The following CNP variants were observed in gnomAD, a reference collection of about 807,000 sequenced individuals.
The protein encoded by CNP is 2',3'-cyclic-nucleotide 3'-phosphodiesterase.
In CNP, 8 loss-of-function variants were observed where a neutral mutation model predicts 37.9. That is an observed-to-expected ratio of 0.21 (90% CI 0.12 to 0.38). The LOEUF is 0.38. Among genes scored for constraint, CNP ranks in the 10% least tolerant of loss-of-function variants. The pLI, the probability that CNP is intolerant of heterozygous loss-of-function variation, is 1.00. For missense variants in CNP, 457 were observed against 551.0 expected, an observed-to-expected ratio of 0.83 and a Z score of 1.71; for synonymous variants, 237 against 238.3, an observed-to-expected ratio of 0.99 and a Z score of 0.05.
chr17:41,968,680 G>T lies in CNP; in HGVS notation c.616G>T (p.Gly206Cys). ...KKSSETLRKAGQVFLEELGNH... is the reference protein window; with the variant it reads ...KKSSETLRKACQVFLEELGNH... ...GAGCTCTGAGACCCTCCGCAAAGCC[G>T]GCCAGGTCTTCCTGGAAGAGCTGGG... The change falls in exon 2 of 4, where the codon GGC (glycine) becomes TGC (cysteine). Residue 206 changes from glycine (G) to cysteine (C), a missense_variant. Coordinates refer to ENST00000393892, the MANE Select transcript of CNP (RefSeq NM_033133.5). This position sits in a 1 kb window ranked among gnomAD's most constrained non-coding sequence, Gnocchi z 4.8. 2 of 1,614,012 alleles carry T rather than the reference G, an allele frequency of 1.2e-6. No homozygotes were observed. Among genetic ancestry groups the T allele is most frequent in the Non-Finnish European group, 1.7e-6 (2 of 1,179,970 alleles).
chr17:41,966,917 G>A, intron 1 of CNP, 30 bp downstream of exon 1: 5 of 1,319,710 alleles, frequency 3.8e-6, no homozygotes, highest in Admixed American at 4.1e-5. Context: ...CGGGCACGGG[G>A]TAGCACCAGG....
chr17:41,972,388 C>G (rs1401827432), intron 3 of CNP, among the ~76,000 whole-genome samples: 1 of 151,982 alleles, frequency 6.6e-6, no homozygotes, highest in Non-Finnish European at 1.5e-5. Context: ...CCCCAGGGAG[C>G]CTGGTGCACT....
intron 3 of CNP, among the ~76,000 whole-genome samples, chr17:41,973,008 C>A (rs1216537976): frequency 6.6e-6 from 1 of 152,210 alleles, no homozygotes; most frequent in Admixed American, 6.5e-5. Flanking sequence ...TCCTCCAGGG[C>A]GCTGTCTGGG....
At position 41,966,899 on chromosome 17, in the gene CNP, G is replaced by A; in HGVS notation, c.3+12G>A. On this transcript the variant is annotated intron_variant, in intron 1 of 3. Transcript: ENST00000393892. Reference sequence around the variant, plus strand: ...CCCTCCTCATCATGGTGAGAGGCCGGGCGGGGCCGGGCACGGGGTAGCACC... The same window carrying A: ...CCCTCCTCATCATGGTGAGAGGCCGAGCGGGGCCGGGCACGGGGTAGCACC... 7.4e-7 allele frequency: 1 copy of A among 1,342,348 alleles called. No individual in the cohort carries two copies. Among genetic ancestry groups the A allele is most frequent in the Non-Finnish European group, 9.5e-7 (1 of 1,048,196 alleles). 83.2% of individuals were successfully genotyped at this position (1,342,348 alleles called of 1,614,324 possible).
At position 41,968,051 on chromosome 17, in the gene CNP, T is replaced by C. The variant is rs781865727; in HGVS notation, c.4-17T>C. 3 of 1,599,232 alleles carry C rather than the reference T, an allele frequency of 1.9e-6. No homozygotes were observed. The South Asian group carries it at 3.4e-5, about 18-fold the overall frequency. ...CGCGAATGACCTGGGCTGACATCTC[T>C]TCCCCTCCTTACACAGAACAGAGGC... On this transcript the variant is annotated splice_polypyrimidine_tract_variant and intron_variant, in intron 1 of 3. Coordinates refer to ENST00000393892, the MANE Select transcript of CNP (RefSeq NM_033133.5). The surrounding 1 kb of genome is among the most constrained non-coding windows in gnomAD (Gnocchi z 4.8).
At position 41,968,858 on chromosome 17, in the gene CNP, T is replaced by A; in HGVS notation, c.676+118T>A. ...GAAGCAGCAGGAGGCAGAGAGAGGC[T>A]CACCTCAGCGGGGGCAGGGGCAAGC... On this transcript the variant is annotated intron_variant, in intron 2 of 3. Coordinates refer to ENST00000393892, the MANE Select transcript of CNP (RefSeq NM_033133.5). This position sits in a 1 kb window ranked among gnomAD's most constrained non-coding sequence, Gnocchi z 4.8. The A allele has an allele frequency of 8.0e-7, 1 of 1,247,984 alleles. No homozygotes were observed. The highest frequency in any genetic ancestry group is 1.1e-6 in the Non-Finnish European group (1 of 922,032). The allele number at this position is 1,247,984 out of a possible 1,614,324, so 77.3% of individuals were successfully genotyped here.
Position 41,975,948 on chromosome 17 carries a change from A to C in CNP, c.*2024A>C, listed in dbSNP as rs1555644675. The stretch of plus-strand genomic sequence containing the variant: ...AAGGCCAGGGGCTTTTGCTAAAAAT[A>C]GTGGCCAGACCAGAGCTCTGGAGCC... On this transcript the variant is annotated 3_prime_UTR_variant, in exon 4 of 4. Transcript: ENST00000393892. 6.6e-6 allele frequency: 1 copy of C among 152,298 alleles called. No individual in the cohort carries two copies. Among genetic ancestry groups the C allele is most frequent in the Non-Finnish European group, 1.5e-5 (1 of 68,116 alleles). The allele number at this position is 152,298 out of a possible 1,614,324, so 9.4% of individuals were successfully genotyped here. A position where few individuals can be genotyped will look rare whatever the true frequency, so the allele number is the denominator to read the frequency against.
chr17:41,968,949 G>A lies in CNP; in HGVS notation c.676+209G>A, dbSNP rs1171574022. Among the ~76,000 whole-genome samples, 7 of 152,138 alleles carry A rather than the reference G, an allele frequency of 4.6e-5. No homozygotes were observed. The highest frequency in any genetic ancestry group is 1.3e-4 in the Admixed American group (2 of 15,276). On this transcript the variant is annotated intron_variant, in intron 2 of 3. Transcript: ENST00000393892. This position sits in a 1 kb window ranked among gnomAD's most constrained non-coding sequence, Gnocchi z 4.8. The stretch of plus-strand genomic sequence containing the variant: ...TGGGAACACGGGGGCTTCCCAGAGC[G>A]CCTTTCCTCCCACCACACCTATCCT...
chr17:41,977,050 A>G lies in CNP; in HGVS notation c.*3126A>G. On this transcript the variant is annotated 3_prime_UTR_variant, in exon 4 of 4. Coordinates refer to ENST00000393892, the MANE Select transcript of CNP (RefSeq NM_033133.5). The stretch of plus-strand genomic sequence containing the variant: ...TAGAGATGCCTCCCTGACCCTGCAG[A>G]GATGCGGTGGCTAAAGGTCCCAAGG... The G allele has an allele frequency of 6.2e-6, 4 of 649,946 alleles. No individual in the cohort carries two copies. Among genetic ancestry groups the G allele is most frequent in the Non-Finnish European group, 1.1e-5 (4 of 378,718 alleles). The allele number at this position is 649,946 out of a possible 1,614,324, so 40.3% of individuals were successfully genotyped here.
Position 41,968,577 on chromosome 17 carries a change from T to C in CNP, c.513T>C (p.Ala171=), listed in dbSNP as rs782318004. ...AGAAGAACCAGTGGCAGCTGTCGGC[T>C]GATGACCTGAAGAAGCTGAAGCCTG... is the stretch of plus-strand genomic sequence containing the variant. The part of the protein sequence containing the change: ...LKEKNQWQLS[A]DDLKKLKPGL... Residue 171 remains alanine (A), a synonymous_variant, in exon 2 of 4, where the codon GCT becomes GCC. Coordinates refer to ENST00000393892, the MANE Select transcript of CNP (RefSeq NM_033133.5). The surrounding 1 kb of genome is among the most constrained non-coding windows in gnomAD (Gnocchi z 4.8). 2 of 1,614,042 alleles carry C rather than the reference T, an allele frequency of 1.2e-6. No homozygotes were observed. Among genetic ancestry groups the C allele is most frequent in the Non-Finnish European group, 1.7e-6 (2 of 1,180,004 alleles).
chr17:41,967,733 C>T (rs1381471378), intron 1 of CNP: 1 of 1,086,572 alleles, frequency 9.2e-7, no homozygotes, highest in African/African-American at 1.6e-5. Context: ...GAGACCCCCA[C>T]CTCCAAAGAG....
At position 41,973,868 on chromosome 17, in the gene CNP, G is replaced by A; in HGVS notation, c.1210G>A (p.Val404Met). Residue 404 changes from valine (V) to methionine (M), a missense_variant, in exon 4 of 4, where the codon GTG becomes ATG. This residue lies in a region of CNP where 291 missense variants were observed against 291.7 expected (regional missense o/e 1.00). Transcript: ENST00000393892. ...FTGYYGKGKP[V>M]PTQGSRKGGA... ...GGGGTACTACGGGAAAGGCAAACCTGTGCCCACGCAAGGTAGCCGGAAGGG... is the reference window on the plus strand; with the variant it reads ...GGGGTACTACGGGAAAGGCAAACCTATGCCCACGCAAGGTAGCCGGAAGGG... The A allele has an allele frequency of 6.3e-7, 1 of 1,585,510 alleles. No homozygotes were observed. The highest frequency in any genetic ancestry group is 1.7e-5 in the Admixed American group (1 of 57,536).
intron 3 of CNP, 35 bp downstream of exon 3, chr17:41,972,066 G>A (rs1555643913): frequency 1.9e-6 from 3 of 1,607,806 alleles, no homozygotes; most frequent in African/African-American, 2.7e-5. Flanking sequence ...GGGGAGGTGG[G>A]AGGTTGGGGG....
chr17:41,967,554 G>GC, intron 1 of CNP: 5 of 569,768 alleles, frequency 8.8e-6, no homozygotes, highest in Non-Finnish European at 4.5e-6. Flanking sequence ...CTCCTGCCCT[G>GC]CCCCCCACCA....
At chr17:41,972,055 G>T in intron 3 of CNP, 24 bp downstream of exon 3, 1 of 1,610,318 alleles carries the variant, frequency 6.2e-7, no homozygotes, top group South Asian at 1.1e-5. Context: ...AGGGACACAT[G>T]GGGGAGGTGG....
chr17:41,976,968 T>C lies in CNP; in HGVS notation c.*3044T>C, dbSNP rs1176944460. ...TATTATACATGGGTAGCTTCTGACC[T>C]CAGCATTATCTATATAGTACCTTTG... On this transcript the variant is annotated 3_prime_UTR_variant, in exon 4 of 4. Coordinates refer to ENST00000393892, the MANE Select transcript of CNP (RefSeq NM_033133.5). 1.5e-6 allele frequency: 1 copy of C among 671,828 alleles called. No homozygotes were observed. Among genetic ancestry groups the C allele is most frequent in the Non-Finnish European group, 2.5e-6 (1 of 401,510 alleles). The allele number at this position is 671,828 out of a possible 1,614,324, so 41.6% of individuals were successfully genotyped here.
rs782764243 is a variant in CNP at position 41,973,641 on chromosome 17, G to A, written c.983G>A (p.Arg328His). ...SPTDNLPRGS[R>H]AHITLGCAAD... ...ACTGACAACCTGCCGCGGGGGAGCCGCGCCCACATCACCCTCGGCTGTGCA... is the reference window on the plus strand; with the variant it reads ...ACTGACAACCTGCCGCGGGGGAGCCACGCCCACATCACCCTCGGCTGTGCA... Residue 328 changes from arginine (R) to histidine (H), a missense_variant, in exon 4 of 4, where the codon CGC becomes CAC. By Grantham distance (29) the Arg-to-His change is conservative. Coordinates refer to ENST00000393892, the MANE Select transcript of CNP (RefSeq NM_033133.5). 55 of 1,613,980 alleles carry A rather than the reference G, an allele frequency of 3.4e-5. No individual in the cohort carries two copies. Among genetic ancestry groups the A allele is most frequent in the South Asian group, 7.7e-5 (7 of 91,084 alleles).
In CNP at chr17:41,973,556, G is replaced by A; in HGVS notation, c.898G>A (p.Val300Met). ...FVTPKTTGAR[V>M]ELSEQQLQLW... ...GACACCCAAGACGACTGGGGCCCGG[G>A]TGGAGTTAAGCGAGCAGCAACTGCA... The change falls in exon 4 of 4, where the codon GTG (valine) becomes ATG (methionine). Residue 300 changes from valine to methionine, a missense_variant. By Grantham distance (21) the Val-to-Met change is conservative. Around this residue, in one of 2 missense-constraint regions of CNP, gnomAD observed 291 missense variants for 291.7 expected, o/e 1.00. Transcript: ENST00000393892. The A allele has an allele frequency of 6.2e-7, 1 of 1,614,242 alleles. No individual in the cohort carries two copies. Among genetic ancestry groups the A allele is most frequent in the South Asian group, 1.1e-5 (1 of 91,084 alleles).
rs1187764042 is a variant in CNP, at chr17:41,976,471, T to C, written c.*2547T>C. On this transcript the variant is annotated 3_prime_UTR_variant, in exon 4 of 4. Transcript: ENST00000393892. ...AAAACATTTTATTCTCTTTTTTTTT[T>C]CTTTTTTAATAAAGTTAAACAGTAA... 4.4e-6 allele frequency: 2 copies of C among 459,272 alleles called. No individual in the cohort carries two copies. Among genetic ancestry groups the C allele is most frequent in the African/African-American group, 4.2e-5 (2 of 48,118 alleles). The allele number at this position is 459,272 out of a possible 1,614,324, so 28.4% of individuals were successfully genotyped here. A position where few individuals can be genotyped will look rare whatever the true frequency, so the allele number is the denominator to read the frequency against.
Sources: gnomAD v4.1 joint callset for allele counts (sites outside exome capture counted in the v4.1 genomes callset) on GRCh38, gnomAD v4.1.1 for gene constraint, gnomAD v4.1.1 regional missense constraint, Gnocchi (gnomAD v3.1) non-coding constraint, MANE v1.5 for transcripts, NCBI Gene and HGNC (gene_info 2026-07-23, HGNC 2026-07-21) for gene names.